GALNTL6: variants seen among roughly 807,000 people sequenced by gnomAD.
The protein encoded by GALNTL6 is polypeptide N-acetylgalactosaminyltransferase like 6.
Under a neutral mutation model 73.7 loss-of-function variants are expected in GALNTL6, and 46 were observed. That is an observed-to-expected ratio of 0.62 (90% CI 0.49 to 0.80). The LOEUF is 0.80. Ranked by LOEUF, GALNTL6 falls within the 30% of genes least tolerant of loss-of-function variation. GALNTL6 has a pLI of 0.00. For synonymous variants in GALNTL6, 259 were observed against 263.7 expected, an observed-to-expected ratio of 0.98 and a Z score of 0.17; for missense variants, 604 against 755.0, an observed-to-expected ratio of 0.80 and a Z score of 2.34.
intron 5 of GALNTL6, among the ~76,000 whole-genome samples, chr4:172,734,538 T>C (rs1736339444): frequency 6.6e-6 from 1 of 152,116 alleles, no homozygotes. Context: ...AGCTCCAAAA[T>C]AATCTCCTTT....
intron 4 of GALNTL6, among the ~76,000 whole-genome samples, chr4:172,324,884 A>G (rs1012602488): frequency 2.0e-5 from 3 of 151,232 alleles, no homozygotes; most frequent in Non-Finnish European, 3.0e-5. Flanking sequence ...ATGATAATGA[A>G]TATACATCCC....
intron 2 of GALNTL6, among the ~76,000 whole-genome samples, chr4:172,143,040 T>A (rs1560940267): frequency 6.6e-6 from 1 of 151,932 alleles, no homozygotes; most frequent in Non-Finnish European, 1.5e-5. Context: ...TAATGTCAAT[T>A]CATTTAACAA....
intron 3 of GALNTL6, among the ~76,000 whole-genome samples, chr4:172,288,203 G>A (rs776842244): frequency 1.5e-4 from 23 of 151,220 alleles, no homozygotes; most frequent in Non-Finnish European, 2.8e-4. Flanking sequence ...CCATTCTTCC[G>A]CCTCAGCCTC....
intron 5 of GALNTL6, among the ~76,000 whole-genome samples, chr4:172,654,550 C>T (rs1288178611): frequency 1.3e-5 from 2 of 152,088 alleles, no homozygotes; most frequent in African/African-American, 4.8e-5. Flanking sequence ...ATAAATTTCC[C>T]TTGGTGAATC....
At chr4:172,515,755 A>T (rs1413428442) in intron 5 of GALNTL6, among the ~76,000 whole-genome samples, 2 of 152,184 alleles carry the variant, frequency 1.3e-5, no homozygotes, top group Admixed American at 6.5e-5. Context: ...GCAATTCCAG[A>T]GAGACACTCA....
chr4:172,320,869 C>G (rs1025729451), intron 4 of GALNTL6, among the ~76,000 whole-genome samples: 1 of 152,178 alleles, frequency 6.6e-6, no homozygotes, highest in Non-Finnish European at 1.5e-5. Context: ...TGAGGAGCAA[C>G]GCTGGAGACT....
chr4:171,966,780 A>G (rs562552582), intron 2 of GALNTL6, among the ~76,000 whole-genome samples: 2 of 152,142 alleles, frequency 1.3e-5, no homozygotes, highest in East Asian at 3.9e-4. Flanking sequence ...TGCTCTTTCT[A>G]TTGTGTTATT....
chr4:172,886,312 CAATATTTTGGTGTACAGTTGTTCA>C (rs1745715687), intron 8 of GALNTL6, among the ~76,000 whole-genome samples: 1 of 152,202 alleles, frequency 6.6e-6, no homozygotes, highest in Admixed American at 6.5e-5. Flanking sequence ...TCTAGGTTTC[CAATATTTTGGTGTACAGTTGTTCA>C]AAATGGTCTC....
chr4:171,842,734 C>A (rs1281276328), intron 2 of GALNTL6, among the ~76,000 whole-genome samples: 1 of 152,054 alleles, frequency 6.6e-6, no homozygotes, highest in Non-Finnish European at 1.5e-5. Context: ...TGGTACTAAG[C>A]CATTTATAAG....
chr4:172,986,861 T>C (rs972669681), intron 10 of GALNTL6, among the ~76,000 whole-genome samples: 2 of 152,222 alleles, frequency 1.3e-5, no homozygotes, highest in African/African-American at 4.8e-5. Flanking sequence ...AAGCTTTAGC[T>C]TGTAGGGCCT....
At chr4:172,349,425 A>G (rs1202174615) in intron 5 of GALNTL6, among the ~76,000 whole-genome samples, 2 of 152,158 alleles carry the variant, frequency 1.3e-5, no homozygotes, top group African/African-American at 2.4e-5. Context: ...TTTTGATTGA[A>G]TATTATTCTT....
intron 8 of GALNTL6, among the ~76,000 whole-genome samples, chr4:172,913,624 G>A (rs180907721): frequency 6.6e-6 from 1 of 152,278 alleles, no homozygotes; most frequent in African/African-American, 2.4e-5. Flanking sequence ...ATTCAATCAA[G>A]TGGAAGAAAG....
At chr4:172,827,761 G>C (rs981988124) in intron 7 of GALNTL6, among the ~76,000 whole-genome samples, 2 of 152,014 alleles carry the variant, frequency 1.3e-5, no homozygotes, top group Non-Finnish European at 2.9e-5. Flanking sequence ...TAAAGCAAAA[G>C]AAGCCTGAGC....
intron 5 of GALNTL6, among the ~76,000 whole-genome samples, chr4:172,477,032 C>A (rs1227855312): frequency 6.6e-6 from 1 of 150,814 alleles, no homozygotes; most frequent in African/African-American, 2.4e-5. Flanking sequence ...TCACGCCATT[C>A]CCCTGCCTCA....
intron 2 of GALNTL6, among the ~76,000 whole-genome samples, chr4:172,018,713 T>C (rs1327559956): frequency 6.6e-6 from 1 of 152,124 alleles, no homozygotes; most frequent in Non-Finnish European, 1.5e-5. Flanking sequence ...CACTCAAATC[T>C]GCAACAGTTC....
At chr4:172,795,089 T>C in intron 5 of GALNTL6, among the ~76,000 whole-genome samples, 1 of 151,596 alleles carries the variant, frequency 6.6e-6, no homozygotes. Flanking sequence ...CAAAATGGAG[T>C]AGGTAAATGA....
intron 9 of GALNTL6, 30 bp downstream of exon 9, chr4:172,931,298 G>A: frequency 7.9e-7 from 1 of 1,271,014 alleles, no homozygotes; most frequent in East Asian, 2.3e-5. Flanking sequence ...AACAGACTGG[G>A]GTTGATATGG....
chr4:172,301,091 T>C (rs1387610492), intron 3 of GALNTL6, among the ~76,000 whole-genome samples: 3 of 151,276 alleles, frequency 2.0e-5, no homozygotes, highest in East Asian at 1.9e-4. Context: ...TCTCTAAACT[T>C]CTCTTCTCTC....
chr4:172,353,536 T>G (rs1389471742), intron 5 of GALNTL6, among the ~76,000 whole-genome samples: 2 of 152,150 alleles, frequency 1.3e-5, no homozygotes, highest in Non-Finnish European at 2.9e-5. Flanking sequence ...ACATTTGCCT[T>G]GCTTTCTTGT....
Sources: allele counts gnomAD v4.1 joint callset (sites outside exome capture counted in the v4.1 genomes callset), GRCh38; gene constraint gnomAD v4.1.1; transcripts MANE v1.5; gene names NCBI Gene and HGNC (gene_info 2026-07-23, HGNC 2026-07-21).